LIMCH1: variants seen among roughly 807,000 people sequenced by gnomAD.
LIMCH1 encodes the protein LIM and calponin homology domains-containing protein 1.
Under a neutral mutation model 176.5 loss-of-function variants are expected in LIMCH1, and 113 were observed. The ratio of observed to expected loss-of-function variants is 0.64; its 90% CI spans 0.55 to 0.75. The LOEUF is 0.75. LIMCH1 is among the 30% of genes least tolerant of loss of function. The pLI, the probability that LIMCH1 is intolerant of heterozygous loss-of-function variation, is 0.00. For synonymous variants in LIMCH1, 619 were observed against 645.9 expected (o/e 0.96, Z 0.63); for missense variants, 1,674 against 1,814.9 (o/e 0.92, Z 1.41).
chr4:41,627,754 G>A, intron 8 of LIMCH1, among the ~76,000 whole-genome samples: 1 of 152,162 alleles, frequency 6.6e-6, no homozygotes, highest in Non-Finnish European at 1.5e-5. Flanking sequence ...GAACCTACTT[G>A]CTGAATTTCA....
chr4:41,362,177 T>C (rs2052203735), intron 1 of LIMCH1, among the ~76,000 whole-genome samples: 1 of 152,242 alleles, frequency 6.6e-6, no homozygotes, highest in Admixed American at 6.5e-5. Context: ...CCTACAGGGT[T>C]AACCTGCTTC....
At chr4:41,696,927 C>A (rs1197491322) in intron 31 of LIMCH1, among the ~76,000 whole-genome samples, 1 of 152,128 alleles carries the variant, frequency 6.6e-6, no homozygotes, top group Non-Finnish European at 1.5e-5. Flanking sequence ...CTGGGCACCA[C>A]GTTAAGTGGG....
chr4:41,444,991 A>G (rs541335384), intron 1 of LIMCH1, among the ~76,000 whole-genome samples: 1 of 151,832 alleles, frequency 6.6e-6, no homozygotes, highest in South Asian at 2.1e-4. Context: ...TAGGCACATG[A>G]AGAGAATATT....
chr4:41,363,574 C>T (rs1209045307), intron 1 of LIMCH1, among the ~76,000 whole-genome samples: 3 of 152,112 alleles, frequency 2.0e-5, no homozygotes, highest in African/African-American at 7.2e-5. Flanking sequence ...AACATTCATT[C>T]TTAATAAAGG....
chr4:41,498,070 G>A (rs1240593085), intron 2 of LIMCH1, among the ~76,000 whole-genome samples: 4 of 152,172 alleles, frequency 2.6e-5, no homozygotes, highest in Non-Finnish European at 5.9e-5. Context: ...CAAGGGCCTG[G>A]TGGTTCCACT....
intron 1 of LIMCH1, among the ~76,000 whole-genome samples, chr4:41,470,374 A>G (rs931053172): frequency 6.6e-6 from 1 of 152,154 alleles, no homozygotes; most frequent in Non-Finnish European, 1.5e-5. Context: ...TGTGATCTAC[A>G]TCCTTTCACC....
chr4:41,430,325 C>T (rs111555648), intron 1 of LIMCH1, among the ~76,000 whole-genome samples: 1 of 152,142 alleles, frequency 6.6e-6, no homozygotes. Context: ...TGCAGTGGTG[C>T]GATCTTGGCT....
At chr4:41,608,435 C>T (rs556823353) in intron 4 of LIMCH1, among the ~76,000 whole-genome samples, 8 of 152,338 alleles carry the variant, frequency 5.3e-5, no homozygotes, top group African/African-American at 1.9e-4. Context: ...TATTGAGGGA[C>T]AACTGTAATC....
rs1731499274 is a variant in LIMCH1, at chr4:41,697,518, A to C, written c.*333A>C. The C allele has an allele frequency of 3.4e-6, 1 of 291,030 alleles. No individual in the cohort carries two copies. Among genetic ancestry groups the C allele is most frequent in the East Asian group, 5.8e-5 (1 of 17,298 alleles). 18.0% of individuals were successfully genotyped at this position (291,030 alleles called of 1,614,324 possible). On this transcript the variant is annotated 3_prime_UTR_variant, in exon 32 of 32. Coordinates refer to ENST00000503057, the MANE Select transcript of LIMCH1 (RefSeq NM_001330672.2). ...CTCTTCTTTGGGAATTAGCTAAATG[A>C]TGCAATAAACCTGTTTTGTTTTAGA...
intron 1 of LIMCH1, among the ~76,000 whole-genome samples, chr4:41,563,549 A>G (rs1432867364): frequency 6.6e-6 from 1 of 152,194 alleles, no homozygotes; most frequent in Non-Finnish European, 1.5e-5. Flanking sequence ...TAGATGCTAA[A>G]AAGTAGAGCA....
chr4:41,643,219 A>G (rs1268360670), intron 14 of LIMCH1, among the ~76,000 whole-genome samples: 1 of 152,174 alleles, frequency 6.6e-6, no homozygotes, highest in Non-Finnish European at 1.5e-5. Flanking sequence ...AGCCCTTTGC[A>G]TTCGGCGATG....
intron 1 of LIMCH1, among the ~76,000 whole-genome samples, chr4:41,382,713 C>T (rs1315675163): frequency 6.6e-6 from 1 of 152,210 alleles, no homozygotes; most frequent in African/African-American, 2.4e-5. Flanking sequence ...CTCTACTCAA[C>T]CATCAATACT....
intron 14 of LIMCH1, among the ~76,000 whole-genome samples, chr4:41,642,517 C>T (rs2093867168): frequency 1.3e-5 from 2 of 151,890 alleles, no homozygotes; most frequent in Non-Finnish European, 2.9e-5. Flanking sequence ...TCTCCTCTAT[C>T]GAGGACTACA....
At chr4:41,572,382 G>A (rs912375766) in intron 1 of LIMCH1, among the ~76,000 whole-genome samples, 2 of 151,854 alleles carry the variant, frequency 1.3e-5, no homozygotes, top group Non-Finnish European at 2.9e-5. Flanking sequence ...TTACATTTTA[G>A]TGTCCAAGAT....
intron 8 of LIMCH1, 123 bp from the exon 9 acceptor site, chr4:41,629,369 G>C (rs1409308918): frequency 2.5e-5 from 29 of 1,139,800 alleles, no homozygotes; most frequent in Non-Finnish European, 3.3e-5. Flanking sequence ...AAAGAGAAAA[G>C]TGTTTCCATC....
chr4:41,684,498 C>T lies in LIMCH1; in HGVS notation c.3947C>T (p.Thr1316Ile). 6.2e-7 allele frequency: 1 copy of T among 1,613,608 alleles called. No homozygotes were observed. Among genetic ancestry groups the T allele is most frequent in the South Asian group, 1.1e-5 (1 of 91,012 alleles). ...GAGGCTGGGGCCCCACACTGTGGAA[C>T]AAACCCACAGCTTGCTCAGGGTAAG... Reference protein sequence around the residue: ...DTEAGAPHCGTNPQLAQDPSQ... With the variant: ...DTEAGAPHCGINPQLAQDPSQ... The change falls in exon 27 of 32, where the codon ACA becomes ATA. Residue 1316 changes from threonine to isoleucine, a missense_variant. By Grantham distance (89) the Thr-to-Ile change is moderately conservative. Coordinates refer to ENST00000503057, the MANE Select transcript of LIMCH1 (RefSeq NM_001330672.2).
At chr4:41,367,682 TCCAAAA>T (rs1199352882) in intron 1 of LIMCH1, among the ~76,000 whole-genome samples, 10 of 60,896 alleles carry the variant, frequency 1.6e-4, no homozygotes, top group African/African-American at 3.5e-4. Flanking sequence ...CTACTAAAAA[TCCAAAA>T]AAAAAAAAAA....
intron 23 of LIMCH1, among the ~76,000 whole-genome samples, chr4:41,679,787 G>T (rs979717788): frequency 3.3e-5 from 5 of 152,164 alleles, no homozygotes; most frequent in Non-Finnish European, 5.9e-5. Context: ...AGCAAAACAT[G>T]AGCAGCAGAA....
chr4:41,459,607 T>G (rs2065046809), intron 1 of LIMCH1, among the ~76,000 whole-genome samples: 1 of 152,180 alleles, frequency 6.6e-6, no homozygotes, highest in African/African-American at 2.4e-5. Flanking sequence ...CAGCCCATTT[T>G]AGGTATTTTA....
Sources: allele counts gnomAD v4.1 joint callset (sites outside exome capture counted in the v4.1 genomes callset), GRCh38; gene constraint gnomAD v4.1.1; transcripts MANE v1.5; gene names NCBI Gene and HGNC (gene_info 2026-07-23, HGNC 2026-07-21).